PRCP: variants seen among roughly 807,000 people sequenced by gnomAD.
The protein encoded by PRCP is prolylcarboxypeptidase, also known as lysosomal Pro-X carboxypeptidase.
In PRCP, 46 loss-of-function variants were observed where a neutral mutation model predicts 54.2. That is an observed-to-expected ratio of 0.85 (90% CI 0.67 to 1.09). PRCP has a LOEUF of 1.09. PRCP is among the 50% of genes least tolerant of loss of function. The probability of loss-of-function intolerance (pLI) is 0.00; values close to 1 mark genes in which losing one functional copy is unlikely to be tolerated. For missense variants in PRCP, 613 were observed against 596.8 expected, an observed-to-expected ratio of 1.03 and a Z score of -0.28; for synonymous variants, 240 against 212.2, an observed-to-expected ratio of 1.13 and a Z score of -1.14.
intron 1 of PRCP, chr11:82,884,699 AAAG>A (rs1859826426): frequency 2.1e-6 from 3 of 1,398,030 alleles, no homozygotes; most frequent in African/African-American, 1.4e-5. Context: ...TGTAGTGGAA[AAAG>A]AAGAGAATTT....
chr11:82,880,245 T>C (rs1345844586), intron 1 of PRCP, among the ~76,000 whole-genome samples: 3 of 152,238 alleles, frequency 2.0e-5, no homozygotes, highest in African/African-American at 7.2e-5. Flanking sequence ...CAATGGCAGA[T>C]GCCCCTCCCC....
chr11:82,884,557 T>A (rs1466462818), intron 1 of PRCP, among the ~76,000 whole-genome samples: 1 of 152,182 alleles, frequency 6.6e-6, no homozygotes, highest in Non-Finnish European at 1.5e-5. Context: ...TCTCAACAAC[T>A]ACAAAAAATC....
At chr11:82,878,443 T>C (rs7128528) in intron 1 of PRCP, among the ~76,000 whole-genome samples, 83,724 of 151,980 alleles carry the variant, frequency 0.55, 23,928 homozygotes, top group African/African-American at 0.71. Flanking sequence ...CCAGAATTCC[T>C]ACATGTTGTG....
At chr11:82,898,298 A>T (rs7131210) in intron 1 of PRCP, among the ~76,000 whole-genome samples, 74,547 of 152,062 alleles carry the variant, frequency 0.49, 18,583 homozygotes, top group African/African-American at 0.57. Flanking sequence ...TCAAAAATGG[A>T]AAAAGAAACA....
Position 82,824,898 on chromosome 11 carries a change from A to G in PRCP, c.*8T>C, listed in dbSNP as rs1467578859. The G allele has an allele frequency of 8.1e-6, 13 of 1,611,028 alleles. No individual in the cohort carries two copies. In the African/African-American group the frequency reaches 1.6e-4, roughly 20 times the overall value. Reference sequence around the variant, plus strand: ...TAAAAGAAGAAATTGAAAACAATCAAAAGTTTCTCAGTGCTGCTTTCCCGC... The same window carrying G: ...TAAAAGAAGAAATTGAAAACAATCAGAAGTTTCTCAGTGCTGCTTTCCCGC... On this transcript the variant is annotated 3_prime_UTR_variant, in exon 9 of 9. Coordinates refer to ENST00000313010, the MANE Select transcript of PRCP (RefSeq NM_005040.4).
intron 1 of PRCP, among the ~76,000 whole-genome samples, chr11:82,898,811 C>T (rs1860178228): frequency 6.6e-6 from 1 of 152,126 alleles, no homozygotes; most frequent in Non-Finnish European, 1.5e-5. Context: ...AAAATGTTTT[C>T]TCTTCCTCAT....
intron 1 of PRCP, among the ~76,000 whole-genome samples, chr11:82,866,005 C>T (rs1323504695): frequency 6.6e-6 from 1 of 152,162 alleles, no homozygotes; most frequent in Non-Finnish European, 1.5e-5. Flanking sequence ...CACATGGGCA[C>T]CCTAGAGGTA....
intron 7 of PRCP, 74 bp downstream of exon 7, chr11:82,839,187 A>G: frequency 1.3e-6 from 2 of 1,486,930 alleles, no homozygotes; most frequent in Non-Finnish European, 1.8e-6. Flanking sequence ...AATCTTGTGT[A>G]CCCTGATTTT....
At chr11:82,826,556 A>G (rs997215571) in intron 8 of PRCP, 48 of 152,288 alleles carry the variant, frequency 3.2e-4, no homozygotes, top group African/African-American at 9.9e-4. Context: ...GGACTACACC[A>G]TTTTATATTC....
At chr11:82,866,301 T>A (rs1042838048) in intron 1 of PRCP, among the ~76,000 whole-genome samples, 1 of 152,150 alleles carries the variant, frequency 6.6e-6, no homozygotes, top group Non-Finnish European at 1.5e-5. Context: ...TGTCCTCCCT[T>A]CCCACGAAGA....
intron 1 of PRCP, among the ~76,000 whole-genome samples, chr11:82,870,362 G>C (rs1416922004): frequency 6.6e-6 from 1 of 152,170 alleles, no homozygotes. Context: ...GAATAGTTGA[G>C]ACTCTAGGTA....
chr11:82,842,788 T>C (rs1858706562), intron 6 of PRCP, among the ~76,000 whole-genome samples: 1 of 152,128 alleles, frequency 6.6e-6, no homozygotes, highest in Admixed American at 6.5e-5. Flanking sequence ...TTTTGCAAAA[T>C]ATTTGCAAAT....
At chr11:82,862,959 T>A (rs1485403218) in intron 1 of PRCP, among the ~76,000 whole-genome samples, 1 of 152,160 alleles carries the variant, frequency 6.6e-6, no homozygotes, top group Non-Finnish European at 1.5e-5. Flanking sequence ...AGCCTAAAAA[T>A]GAAAGGGCAA....
Position 82,853,267 on chromosome 11 carries a change from C to T in PRCP, c.321G>A (p.Trp107Ter). 6.2e-7 allele frequency: 1 copy of T among 1,610,634 alleles called. No homozygotes were observed. Among genetic ancestry groups the T allele is most frequent in the Non-Finnish European group, 8.5e-7 (1 of 1,177,738 alleles). The change falls in exon 3 of 9, where the codon TGG becomes TGA. Residue 107 changes from tryptophan to a stop codon, truncating the protein, a stop_gained. Transcript: ENST00000313010. LOFTEE classifies it high-confidence loss of function. ...IWFCNNTGFM[W>*]DVAEELKAML... is the part of the protein sequence containing the mutation. ...TAGCTTTCAGTTCCTCAGCCACATC[C>T]CACATGAACCCCTAAGAAGAGTTTA...
At chr11:82,900,678 C>T, upstream of PRCP, 2 of 610,392 alleles carry the variant, frequency 3.3e-6, no homozygotes, top group Non-Finnish European at 6.1e-6. Flanking sequence ...CCCAAGTCTG[C>T]CCTTATCATG....
At chr11:82,833,485 A>G (rs1418879165) in intron 8 of PRCP, among the ~76,000 whole-genome samples, 1 of 152,164 alleles carries the variant, frequency 6.6e-6, no homozygotes, top group African/African-American at 2.4e-5. Flanking sequence ...ACATTTTTAC[A>G]CTGTTGGTGG....
rs1318667365 is a variant in PRCP, at chr11:82,873,082, A to ATTTTT, written c.169-12966_169-12965insAAAAA. On this transcript the variant is annotated intron_variant, in intron 1 of 8. Transcript: ENST00000313010. Reference sequence around the variant, plus strand: ...TTCTGATCTGTTTTTTTTTTTTTAAAAAAAAAGAAAGTAAGAAGAATAAGT... The same window carrying ATTTTT: ...TTCTGATCTGTTTTTTTTTTTTTAAATTTTTAAAAAAGAAAGTAAGAAGAATAAGT... Among the ~76,000 whole-genome samples, 765 of 117,504 alleles carry ATTTTT rather than the reference A, an allele frequency of 6.5e-3. 3 individuals carry two copies. The highest frequency in any genetic ancestry group is 0.015 in the Middle Eastern group (3 of 206). The allele number at this position is 117,504 out of a possible 152,430, so 77.1% of individuals were successfully genotyped here. A position where few individuals can be genotyped will look rare whatever the true frequency, so the allele number is the denominator to read the frequency against.
chr11:82,893,867 T>C (rs996990229), intron 1 of PRCP, among the ~76,000 whole-genome samples: 4 of 152,196 alleles, frequency 2.6e-5, no homozygotes, highest in Non-Finnish European at 5.9e-5. Flanking sequence ...AGAACAGTAA[T>C]AGGGATTAAT....
At chr11:82,861,804 C>T (rs1379699770) in intron 1 of PRCP, among the ~76,000 whole-genome samples, 1 of 152,142 alleles carries the variant, frequency 6.6e-6, no homozygotes. Flanking sequence ...AATAACCAGA[C>T]ATAATACATG....
Sources: gnomAD v4.1 joint callset for allele counts (sites outside exome capture counted in the v4.1 genomes callset) on GRCh38, gnomAD v4.1.1 for gene constraint, MANE v1.5 for transcripts, NCBI Gene and HGNC (gene_info 2026-07-23, HGNC 2026-07-21) for gene names.